Variants in KAZN observed in about 807,000 individuals in gnomAD.
KAZN encodes the protein kazrin.
A neutral mutation model predicts 87.4 loss-of-function variants in KAZN; 40 were observed. The observed-to-expected ratio is 0.46, with a 90% CI of 0.36 to 0.60. The LOEUF (loss-of-function observed/expected upper bound fraction) is 0.60. Ranked by LOEUF, KAZN falls within the 20% of genes least tolerant of loss-of-function variation. The probability of loss-of-function intolerance (pLI) is 0.00; values close to 1 mark genes in which losing one functional copy is unlikely to be tolerated. For missense variants in KAZN, 898 were observed against 1,073.9 expected (o/e 0.84, Z 2.29); for synonymous variants, 466 against 458.3 (o/e 1.02, Z -0.22).
At chr1:14,908,967 G>T (rs1342884058) in intron 1 of KAZN, among the ~76,000 whole-genome samples, 1 of 152,004 alleles carries the variant, frequency 6.6e-6, no homozygotes, top group Non-Finnish European at 1.5e-5. Context: ...TGGGTGACAG[G>T]GCGAGACTCC....
intron 2 of KAZN, among the ~76,000 whole-genome samples, chr1:14,447,891 T>C (rs923289179): frequency 6.6e-6 from 1 of 152,226 alleles, no homozygotes; most frequent in Non-Finnish European, 1.5e-5. Context: ...AGCTAAAAAG[T>C]ACCTGAAAAG....
chr1:14,905,890 C>T (rs535870131), intron 1 of KAZN, among the ~76,000 whole-genome samples: 3 of 137,230 alleles, frequency 2.2e-5, no homozygotes, highest in South Asian at 4.7e-4. Context: ...CAGCACAGGC[C>T]GGACACGGTG....
chr1:14,721,358 T>A (rs573435042), intron 1 of KAZN, among the ~76,000 whole-genome samples: 51 of 152,350 alleles, frequency 3.3e-4, no homozygotes, highest in African/African-American at 1.2e-3. Flanking sequence ...GAAGGACATG[T>A]TTGCTTCCCC....
At chr1:14,629,045 C>G (rs1572084716) in intron 1 of KAZN, among the ~76,000 whole-genome samples, 1 of 152,144 alleles carries the variant, frequency 6.6e-6, no homozygotes, top group East Asian at 1.9e-4. Flanking sequence ...CGGGGTTTCA[C>G]CATGTTGGCC....
chr1:14,851,131 C>G (rs1404157294), intron 1 of KAZN, among the ~76,000 whole-genome samples: 1 of 152,148 alleles, frequency 6.6e-6, no homozygotes, highest in African/African-American at 2.4e-5. Context: ...GTGCCCAGCC[C>G]ACCTCTCCCC....
At chr1:14,877,688 CCATAA>C (rs1405372577) in intron 1 of KAZN, among the ~76,000 whole-genome samples, 1 of 152,188 alleles carries the variant, frequency 6.6e-6, no homozygotes, top group Non-Finnish European at 1.5e-5. Flanking sequence ...GTCTTCTCAT[CCATAA>C]CATGTGTGTA....
chr1:15,034,696 A>T, intron 2 of KAZN, 53 bp from the exon 3 acceptor site: 2 of 1,607,526 alleles, frequency 1.2e-6, no homozygotes, highest in Non-Finnish European at 1.7e-6. Context: ...GCACTCAGGC[A>T]TCTGGAGAGG....
intron 2 of KAZN, among the ~76,000 whole-genome samples, chr1:14,202,453 C>T (rs1038079508): frequency 6.6e-6 from 1 of 152,174 alleles, no homozygotes; most frequent in Non-Finnish European, 1.5e-5. Flanking sequence ...GGAAGCTTCT[C>T]CTGTATTGGA....
At chr1:15,008,593 A>T (rs1234896644) in intron 2 of KAZN, among the ~76,000 whole-genome samples, 2 of 152,196 alleles carry the variant, frequency 1.3e-5, no homozygotes, top group Non-Finnish European at 2.9e-5. Flanking sequence ...CCTCTGGAAC[A>T]GGCAGGTTCA....
At chr1:14,779,021 C>T (rs1645257663) in intron 1 of KAZN, among the ~76,000 whole-genome samples, 1 of 152,142 alleles carries the variant, frequency 6.6e-6, no homozygotes, top group African/African-American at 2.4e-5. Flanking sequence ...GCTCCTTTTT[C>T]GTGAATCTGA....
At chr1:15,003,643 T>A (rs889185255) in intron 2 of KAZN, among the ~76,000 whole-genome samples, 3 of 152,164 alleles carry the variant, frequency 2.0e-5, no homozygotes, top group Admixed American at 1.3e-4. Flanking sequence ...CAGTGTTCTT[T>A]ATGTTCACGT....
intron 1 of KAZN, among the ~76,000 whole-genome samples, chr1:14,015,935 C>G (rs1236775280): frequency 6.6e-6 from 1 of 151,996 alleles, no homozygotes; most frequent in African/African-American, 2.4e-5. Context: ...TTTCACTGCA[C>G]TGGGATTGAG....
At chr1:14,808,723 A>G (rs181007411) in intron 1 of KAZN, among the ~76,000 whole-genome samples, 36 of 152,314 alleles carry the variant, frequency 2.4e-4, no homozygotes, top group Admixed American at 2.0e-4. Flanking sequence ...TATTTGAGAT[A>G]CTTTGGGCCA....
At chr1:14,446,701 C>A (rs1269129393) in intron 2 of KAZN, among the ~76,000 whole-genome samples, 1 of 152,090 alleles carries the variant, frequency 6.6e-6, no homozygotes, top group East Asian at 1.9e-4. Flanking sequence ...GTTCTTCATT[C>A]GCAGGTAGCT....
At chr1:14,255,119 C>CAAAAAA (rs71570191) in intron 2 of KAZN, among the ~76,000 whole-genome samples, 13 of 83,652 alleles carry the variant, frequency 1.6e-4, no homozygotes, top group Admixed American at 3.9e-4. Flanking sequence ...GACTCTGTCT[C>CAAAAAA]AAAAAAAAAA....
intron 4 of KAZN, among the ~76,000 whole-genome samples, chr1:15,044,987 C>A (rs1036866121): frequency 1.3e-5 from 2 of 152,090 alleles, no homozygotes; most frequent in African/African-American, 2.4e-5. Flanking sequence ...CTTCCAGACA[C>A]TTTGTTTTCC....
chr1:14,755,319 T>A (rs535359145), intron 1 of KAZN, among the ~76,000 whole-genome samples: 134 of 152,212 alleles, frequency 8.8e-4, no homozygotes, highest in African/African-American at 3.0e-3. Context: ...AAATTCCCTT[T>A]CACCTGTCTC....
intron 1 of KAZN, among the ~76,000 whole-genome samples, chr1:14,064,545 G>C (rs977489683): frequency 1.1e-4 from 17 of 152,268 alleles, no homozygotes; most frequent in African/African-American, 3.9e-4. Flanking sequence ...TTGTTTGTTT[G>C]TTGCTTTGTT....
At chr1:14,628,252 G>A (rs1349052594) in intron 1 of KAZN, among the ~76,000 whole-genome samples, 4 of 152,246 alleles carry the variant, frequency 2.6e-5, no homozygotes, top group East Asian at 1.9e-4. Context: ...TTTTGTCGGC[G>A]GAGTAATTTC....
Sources: allele counts gnomAD v4.1 joint callset (sites outside exome capture counted in the v4.1 genomes callset), GRCh38; gene constraint gnomAD v4.1.1; transcripts MANE v1.5; gene names NCBI Gene and HGNC (gene_info 2026-07-23, HGNC 2026-07-21).